The following LMOD1 variants were observed in gnomAD, a reference collection of about 807,000 sequenced individuals.
LMOD1 encodes the protein leiomodin 1.
A neutral mutation model predicts 36.5 loss-of-function variants in LMOD1; 8 were observed. That is an observed-to-expected ratio of 0.22 (90% CI 0.13 to 0.40). The LOEUF (loss-of-function observed/expected upper bound fraction) is 0.40. Ranked by LOEUF, LMOD1 falls within the 10% of genes least tolerant of loss-of-function variation. The pLI is 1.00. For synonymous variants in LMOD1, 284 were observed against 288.7 expected, an observed-to-expected ratio of 0.98 and a Z score of 0.17; for missense variants, 630 against 751.1, an observed-to-expected ratio of 0.84 and a Z score of 1.88.
In LMOD1 at chr1:201,939,843, A is replaced by C. The variant is rs149674104; in HGVS notation, c.261+6237T>G. ...GGTGTGCTTCATTCAGGCTCTGCACACTCTGGGCCCAGCTGTAGATATGCT... is the reference window on the plus strand; with the variant it reads ...GGTGTGCTTCATTCAGGCTCTGCACCCTCTGGGCCCAGCTGTAGATATGCT... On this transcript the variant is annotated intron_variant, in intron 1 of 2. Coordinates refer to ENST00000367288, the MANE Select transcript of LMOD1 (RefSeq NM_012134.3). Among the ~76,000 whole-genome samples the C allele has an allele frequency of 2.5e-3, 375 of 151,772 alleles. 1 individual carries two copies. The highest frequency in any genetic ancestry group is 8.7e-3 in the African/African-American group (359 of 41,362).
At chr1:201,932,163 C>T (rs2102927112) in intron 1 of LMOD1, among the ~76,000 whole-genome samples, 1 of 152,052 alleles carries the variant, frequency 6.6e-6, no homozygotes, top group South Asian at 2.1e-4. Context: ...ATAATGTTCA[C>T]AATAACCATA....
intron 1 of LMOD1, among the ~76,000 whole-genome samples, chr1:201,924,401 GAAGC>G (rs1681765677): frequency 2.1e-5 from 2 of 95,318 alleles, no homozygotes; most frequent in Non-Finnish European, 4.3e-5. Flanking sequence ...AGGAAGGAAG[GAAGC>G]AAGGAAGGAG....
chr1:201,916,443 A>C (rs749588246), intron 1 of LMOD1, among the ~76,000 whole-genome samples: 1 of 152,024 alleles, frequency 6.6e-6, no homozygotes, highest in African/African-American at 2.4e-5. Flanking sequence ...GAGCCAAGGG[A>C]GGTCGAGGTT....
At chr1:201,915,594 C>T (rs1369112655) in intron 1 of LMOD1, among the ~76,000 whole-genome samples, 2 of 152,128 alleles carry the variant, frequency 1.3e-5, no homozygotes, top group African/African-American at 2.4e-5. Context: ...GGGGAGGCAA[C>T]GTGGACCCCT....
At chr1:201,901,564 GTATATATATATATATA>G (rs1275880446) in intron 1 of LMOD1, among the ~76,000 whole-genome samples, 1 of 39,046 alleles carries the variant, frequency 2.6e-5, no homozygotes, top group Non-Finnish European at 4.0e-5. Context: ...ATATATATAT[GTATATATATATATATA>G]TATACATATA....
intron 1 of LMOD1, among the ~76,000 whole-genome samples, chr1:201,920,073 T>TTTTTG (rs1681678015): frequency 4.1e-5 from 3 of 73,234 alleles, no homozygotes; most frequent in East Asian, 2.7e-4. Flanking sequence ...TTTTTTTTTT[T>TTTTTG]GAGACCAAGT....
At chr1:201,917,000 C>T (rs571711425) in intron 1 of LMOD1, among the ~76,000 whole-genome samples, 16 of 152,296 alleles carry the variant, frequency 1.1e-4, no homozygotes, top group East Asian at 7.7e-4. Context: ...TGCAGTCCTG[C>T]GGGAGACCAG....
At chr1:201,928,425 G>T (rs2102924877) in intron 1 of LMOD1, among the ~76,000 whole-genome samples, 1 of 152,300 alleles carries the variant, frequency 6.6e-6, no homozygotes, top group South Asian at 2.1e-4. Context: ...CCCAGCTGCA[G>T]AATTGGTATA....
intron 1 of LMOD1, among the ~76,000 whole-genome samples, chr1:201,903,084 G>A (rs1212381330): frequency 6.6e-6 from 1 of 152,164 alleles, no homozygotes; most frequent in Non-Finnish European, 1.5e-5. Context: ...GGGAAGAAAG[G>A]AAAGCAGCTC....
chr1:201,901,596 GTATATATATATATACACATATATA>G (rs1558234759), intron 1 of LMOD1, among the ~76,000 whole-genome samples: 20,748 of 62,820 alleles, frequency 0.33, 5,052 homozygotes, highest in Non-Finnish European at 0.37. Flanking sequence ...ATATATATAT[GTATATATATATATACACATATATA>G]TGTGTGTGTG....
intron 1 of LMOD1, among the ~76,000 whole-genome samples, chr1:201,939,862 A>G (rs1167363144): frequency 1.3e-5 from 2 of 152,018 alleles, no homozygotes; most frequent in African/African-American, 4.8e-5. Context: ...CCAGCTGTAG[A>G]TATGCTGACA....
In LMOD1 at chr1:201,946,357, G is replaced by A. The variant is rs760838680; in HGVS notation, c.-17C>T. The A allele has an allele frequency of 5.0e-6, 8 of 1,610,958 alleles. No homozygotes were observed. The highest frequency in any genetic ancestry group is 6.8e-6 in the Non-Finnish European group (8 of 1,177,942). ...TCTAGACATCTTGGCAAAATGGGCT[G>A]TGGCTGCCAGGGGCTATCAGAGTCC... On this transcript the variant is annotated 5_prime_UTR_variant, in exon 1 of 3. Transcript: ENST00000367288.
At chr1:201,925,663 G>A (rs1681816029) in intron 1 of LMOD1, among the ~76,000 whole-genome samples, 1 of 119,962 alleles carries the variant, frequency 8.3e-6, no homozygotes, top group African/African-American at 3.0e-5. Context: ...AAGGCTGGAG[G>A]CTTGTTTTTT....
chr1:201,934,986 C>G (rs1175215819), intron 1 of LMOD1, among the ~76,000 whole-genome samples: 1 of 152,222 alleles, frequency 6.6e-6, no homozygotes. Flanking sequence ...CCTAAGTGAT[C>G]TCTTCTAGGC....
rs1228973026 is a variant in LMOD1 at position 201,899,974 on chromosome 1, T to A, written c.1039A>T (p.Ile347Phe). ...VNNSDCITNE[I>F]LVRFTEALEF... ...AGAGCCTCAGTAAACCGGACCAAGA[T>A]CTCATTTGTGATGCAGTCTGAGTTG... The change falls in exon 2 of 3, where the codon ATC becomes TTC. Residue 347 changes from isoleucine (I) to phenylalanine (F), a missense_variant. Ile to Phe is a conservative substitution (Grantham distance 21, BLOSUM62 0). This residue lies in a region of LMOD1 where 81 missense variants were observed against 180.6 expected (regional missense o/e 0.45). Coordinates refer to ENST00000367288, the MANE Select transcript of LMOD1 (RefSeq NM_012134.3). This position sits in a 1 kb window ranked among gnomAD's most constrained non-coding sequence, Gnocchi z 6.3. The A allele has an allele frequency of 6.2e-7, 1 of 1,613,710 alleles. No individual in the cohort carries two copies. Among genetic ancestry groups the A allele is most frequent in the East Asian group, 2.2e-5 (1 of 44,882 alleles).
chr1:201,900,803 A>G (rs544782277), intron 1 of LMOD1, 52 bp from the exon 2 acceptor site: 3 of 1,489,360 alleles, frequency 2.0e-6, no homozygotes, highest in African/African-American at 2.8e-5. Context: ...ACAGAGGGAG[A>G]GGAATGAGTA....
intron 1 of LMOD1, among the ~76,000 whole-genome samples, chr1:201,906,887 AATAT>A (rs34490841): frequency 0.97 from 147,709 of 152,034 alleles, 71,921 homozygotes; most frequent in East Asian, 1. Context: ...TAAATAAATA[AATAT>A]ATAGACAAGT....
In LMOD1 at chr1:201,916,464, G is replaced by A. The variant is rs187560044; in HGVS notation, c.262-15713C>T. On this transcript the variant is annotated intron_variant, in intron 1 of 2. Transcript: ENST00000367288. ...AGGGAGGTCGAGGTTGCAGTGAGCCGTGATCATGCCACTGCACTCCAGCCT... is the reference window on the plus strand; with the variant it reads ...AGGGAGGTCGAGGTTGCAGTGAGCCATGATCATGCCACTGCACTCCAGCCT... Among the ~76,000 whole-genome samples, 92 of 152,180 alleles carry A rather than the reference G, an allele frequency of 6.0e-4. 1 individual carries two copies. Among genetic ancestry groups the A allele is most frequent in the Admixed American group, 2.9e-3 (45 of 15,296 alleles).
At chr1:201,932,385 G>C (rs936139198) in intron 1 of LMOD1, among the ~76,000 whole-genome samples, 4 of 151,952 alleles carry the variant, frequency 2.6e-5, no homozygotes, top group Non-Finnish European at 4.4e-5. Context: ...CGATAGAGAG[G>C]GTCAGGAGGA....
Sources: allele counts gnomAD v4.1 joint callset (sites outside exome capture counted in the v4.1 genomes callset), GRCh38; gene constraint gnomAD v4.1.1; regional missense constraint gnomAD v4.1.1; non-coding constraint Gnocchi (gnomAD v3.1); transcripts MANE v1.5; gene names NCBI Gene and HGNC (gene_info 2026-07-23, HGNC 2026-07-21).